Variants in MEGF9 observed in about 807,000 individuals in gnomAD.
MEGF9 encodes the protein multiple epidermal growth factor-like domains protein 9.
In MEGF9, 6 loss-of-function variants were observed where a neutral mutation model predicts 46.8. The ratio of observed to expected loss-of-function variants is 0.13; its 90% CI spans 0.07 to 0.25. MEGF9 has a LOEUF of 0.25. Ranked by LOEUF, MEGF9 falls within the 10% of genes least tolerant of loss-of-function variation. The pLI is 1.00. For synonymous variants in MEGF9, 302 were observed against 330.7 expected, an observed-to-expected ratio of 0.91 and a Z score of 0.94; for missense variants, 683 against 792.4, an observed-to-expected ratio of 0.86 and a Z score of 1.66.
At chr9:120,703,775 C>A (rs995465705) in intron 1 of MEGF9, among the ~76,000 whole-genome samples, 3 of 151,592 alleles carry the variant, frequency 2.0e-5, no homozygotes, top group African/African-American at 7.3e-5. Context: ...GAGGTTGAGA[C>A]CAGCCTAACC....
At chr9:120,666,974 G>A (rs564640423) in intron 1 of MEGF9, among the ~76,000 whole-genome samples, 1 of 152,256 alleles carries the variant, frequency 6.6e-6, no homozygotes, top group African/African-American at 2.4e-5. Flanking sequence ...GGAATTTTGA[G>A]GGGGTAATAA....
chr9:120,631,542 T>C (rs1282069974), intron 2 of MEGF9, among the ~76,000 whole-genome samples: 1 of 151,708 alleles, frequency 6.6e-6, no homozygotes, highest in African/African-American at 2.4e-5. Context: ...TGGAGTGCAG[T>C]GGTGCAATCT....
chr9:120,666,415 G>A (rs1247385364), intron 1 of MEGF9, among the ~76,000 whole-genome samples: 1 of 152,128 alleles, frequency 6.6e-6, no homozygotes, highest in Non-Finnish European at 1.5e-5. Flanking sequence ...CCACTCAGTG[G>A]AAGTCAAAAG....
chr9:120,687,670 CTGTGTGTG>C (rs71385077), intron 1 of MEGF9, among the ~76,000 whole-genome samples: 5,369 of 141,548 alleles, frequency 0.038, 271 homozygotes, highest in African/African-American at 0.12. Context: ...GAACACAACA[CTGTGTGTG>C]TGTGTGTGTG....
intron 2 of MEGF9, among the ~76,000 whole-genome samples, chr9:120,639,858 T>A (rs757859341): frequency 2.6e-5 from 4 of 152,202 alleles, no homozygotes; most frequent in Non-Finnish European, 5.9e-5. Flanking sequence ...TTGCATAACA[T>A]ATAAGTGAAA....
intron 1 of MEGF9, among the ~76,000 whole-genome samples, chr9:120,692,516 T>A (rs960964365): frequency 3.9e-5 from 6 of 152,180 alleles, no homozygotes; most frequent in African/African-American, 1.4e-4. Flanking sequence ...TCTAGACTGA[T>A]CTTTCCAAAC....
At chr9:120,629,841 G>C (rs1321846702) in intron 2 of MEGF9, among the ~76,000 whole-genome samples, 1 of 151,948 alleles carries the variant, frequency 6.6e-6, no homozygotes, top group South Asian at 2.1e-4. Flanking sequence ...GCTGAGGCAG[G>C]CGAATTGCTT....
chr9:120,646,074 G>T (rs1056247413), intron 2 of MEGF9, among the ~76,000 whole-genome samples: 2 of 152,126 alleles, frequency 1.3e-5, no homozygotes, highest in African/African-American at 4.8e-5. Flanking sequence ...CTTTAGATTT[G>T]TATGTATTAA....
At chr9:120,698,555 C>A (rs2043889208) in intron 1 of MEGF9, among the ~76,000 whole-genome samples, 1 of 152,156 alleles carries the variant, frequency 6.6e-6, no homozygotes, top group African/African-American at 2.4e-5. Flanking sequence ...TTTCTGATTA[C>A]CAATGTGTTA....
At chr9:120,646,672 A>G (rs978831410) in intron 2 of MEGF9, among the ~76,000 whole-genome samples, 3 of 152,212 alleles carry the variant, frequency 2.0e-5, no homozygotes, top group East Asian at 3.9e-4. Context: ...GTCAATTTTT[A>G]CTTTGTATTG....
At chr9:120,637,559 C>T (rs1389803775) in intron 2 of MEGF9, among the ~76,000 whole-genome samples, 6 of 149,966 alleles carry the variant, frequency 4.0e-5, no homozygotes, top group East Asian at 3.9e-4. Flanking sequence ...TTTGGGAGGC[C>T]GAGGTGGGTA....
chr9:120,632,510 G>A (rs1487716603), intron 2 of MEGF9, among the ~76,000 whole-genome samples: 1 of 151,998 alleles, frequency 6.6e-6, no homozygotes, highest in Non-Finnish European at 1.5e-5. Flanking sequence ...AGCTTTTAGG[G>A]TTTTCTATAT....
At chr9:120,659,351 C>G (rs1163105585) in intron 2 of MEGF9, 23 bp downstream of exon 2, 1 of 1,598,620 alleles carries the variant, frequency 6.3e-7, no homozygotes, top group Admixed American at 1.7e-5. Flanking sequence ...AAATAAACTT[C>G]AGTTCCACCC....
chr9:120,696,961 G>C (rs1183021246), intron 1 of MEGF9, among the ~76,000 whole-genome samples: 1 of 152,150 alleles, frequency 6.6e-6, no homozygotes, highest in Non-Finnish European at 1.5e-5. Flanking sequence ...CTGCTCCTTT[G>C]TCTGATCTGA....
intron 1 of MEGF9, among the ~76,000 whole-genome samples, chr9:120,711,871 A>ACACACC (rs145059704): frequency 5.5e-4 from 83 of 150,218 alleles, no homozygotes; most frequent in Non-Finnish European, 6.7e-4. Flanking sequence ...ACACACACAC[A>ACACACC]CCCACAGGCC....
chr9:120,630,817 C>A (rs1266619604), intron 2 of MEGF9, among the ~76,000 whole-genome samples: 1 of 152,120 alleles, frequency 6.6e-6, no homozygotes, highest in East Asian at 1.9e-4. Flanking sequence ...AATTCAGCTC[C>A]TTTGCCCATT....
At chr9:120,657,526 C>A (rs532066913) in intron 2 of MEGF9, among the ~76,000 whole-genome samples, 72 of 152,288 alleles carry the variant, frequency 4.7e-4, no homozygotes, top group African/African-American at 1.6e-3. Context: ...AAACACTTTT[C>A]TATTTCTCCA....
At chr9:120,643,395 A>G (rs1418519860) in intron 2 of MEGF9, among the ~76,000 whole-genome samples, 1 of 152,216 alleles carries the variant, frequency 6.6e-6, no homozygotes, top group African/African-American at 2.4e-5. Context: ...AGAAAAAAGA[A>G]CATTAAAATA....
chr9:120,667,392 C>T (rs1293663708), intron 1 of MEGF9, among the ~76,000 whole-genome samples: 2 of 152,138 alleles, frequency 1.3e-5, no homozygotes, highest in African/African-American at 4.8e-5. Context: ...GCTGCAACTG[C>T]TCCCATGTAC....
Sources: gnomAD v4.1 joint callset for allele counts (sites outside exome capture counted in the v4.1 genomes callset) on GRCh38, gnomAD v4.1.1 for gene constraint, MANE v1.5 for transcripts, NCBI Gene and HGNC (gene_info 2026-07-23, HGNC 2026-07-21) for gene names.